The following ZNF445 variants were observed in gnomAD, a reference collection of about 807,000 sequenced individuals.
The protein encoded by ZNF445 is zinc finger protein 168.
Under a neutral mutation model 93.9 loss-of-function variants are expected in ZNF445, and 19 were observed. The observed-to-expected ratio is 0.20, with a 90% CI of 0.14 to 0.30. The LOEUF (loss-of-function observed/expected upper bound fraction) is 0.30, where lower values mean the gene tolerates loss of function less well. Ranked by LOEUF, ZNF445 falls within the 10% of genes least tolerant of loss-of-function variation. ZNF445 has a pLI of 1.00. For synonymous variants in ZNF445, 449 were observed against 446.3 expected, an observed-to-expected ratio of 1.01 and a Z score of -0.08; for missense variants, 1,058 against 1,259.4, an observed-to-expected ratio of 0.84 and a Z score of 2.42.
intron 3 of ZNF445, among the ~76,000 whole-genome samples, chr3:44,451,934 A>C (rs986747561): frequency 6.6e-6 from 1 of 152,220 alleles, no homozygotes; most frequent in Non-Finnish European, 1.5e-5. Flanking sequence ...TGCTCTAGGC[A>C]CTGATGTACA....
At position 44,446,374 on chromosome 3, in the gene ZNF445, T is replaced by C. The variant is rs1232259002; in HGVS notation, c.*201A>G. The C allele has an allele frequency of 4.3e-6, 3 of 698,272 alleles. No homozygotes were observed. Among genetic ancestry groups the C allele is most frequent in the East Asian group, 5.7e-5 (2 of 35,130 alleles). 43.3% of individuals were successfully genotyped at this position (698,272 alleles called of 1,614,324 possible). A position where few individuals can be genotyped will look rare whatever the true frequency, so the allele number is the denominator to read the frequency against. On this transcript the variant is annotated 3_prime_UTR_variant, in exon 8 of 8. Coordinates refer to ENST00000396077, the MANE Select transcript of ZNF445 (RefSeq NM_181489.6). This position sits in a 1 kb window ranked among gnomAD's most constrained non-coding sequence, Gnocchi z 4.2. ...GTCTCCAGAAGGGCTCCAAAGGACATGGTGCTGCACTTCCCCAGCGTCACA... is the reference window on the plus strand; with the variant it reads ...GTCTCCAGAAGGGCTCCAAAGGACACGGTGCTGCACTTCCCCAGCGTCACA...
intron 4 of ZNF445, 142 bp downstream of exon 4, chr3:44,451,172 A>G (rs1697951758): frequency 8.5e-7 from 1 of 1,172,514 alleles, no homozygotes; most frequent in African/African-American, 1.5e-5. Context: ...CATATAGGTT[A>G]TAGAATGGAT....
At chr3:44,467,606 G>A (rs777623570) in intron 1 of ZNF445, among the ~76,000 whole-genome samples, 1 of 152,144 alleles carries the variant, frequency 6.6e-6, no homozygotes, top group South Asian at 2.1e-4. Flanking sequence ...CCACAGCTGG[G>A]CTCAGCTTTT....
Position 44,433,681 on chromosome 3 carries a change from T to G in ZNF445, c.*12894A>C, listed in dbSNP as rs1225633663. On this transcript the variant is annotated 3_prime_UTR_variant, in exon 8 of 8. Coordinates refer to ENST00000396077, the MANE Select transcript of ZNF445 (RefSeq NM_181489.6). ...GACCTGCAGAGAGAGAGTGGGAAAGTGGAGAACCATCAGCTCACTTTCCCT... is the reference window on the plus strand; with the variant it reads ...GACCTGCAGAGAGAGAGTGGGAAAGGGGAGAACCATCAGCTCACTTTCCCT... The G allele has an allele frequency of 6.6e-6, 1 of 152,154 alleles. No homozygotes were observed. Among genetic ancestry groups the G allele is most frequent in the African/African-American group, 2.4e-5 (1 of 41,416 alleles). The allele number at this position is 152,154 out of a possible 1,614,324, so 9.4% of individuals were successfully genotyped here.
intron 4 of ZNF445, 152 bp from the exon 5 acceptor site, chr3:44,451,114 A>G: frequency 9.9e-7 from 1 of 1,005,176 alleles, no homozygotes; most frequent in Non-Finnish European, 1.5e-6. Context: ...TACTGGGGCC[A>G]GGAAAGGGGT....
Position 44,447,600 on chromosome 3 carries a change from TAA to T in ZNF445, c.2069_2070del (p.Phe690TyrfsTer2). The T allele has an allele frequency of 6.2e-7, 1 of 1,614,186 alleles. No individual in the cohort carries two copies. Among genetic ancestry groups the T allele is most frequent in the Non-Finnish European group, 8.5e-7 (1 of 1,180,030 alleles). ...TFLCQQCGKTFTRKKTLVDHQ... is the reference protein window; with the variant it reads ...TFLCQQCGKTXTRKKTLVDHQ... ...TGGTCAACGAGAGTTTTCTTTCTAGTAAAAGTTTTCCCACACTGCTGACACAG... is the reference window on the plus strand; with the variant it reads ...TGGTCAACGAGAGTTTTCTTTCTAGTAAGTTTTCCCACACTGCTGACACAG... On this transcript the variant is annotated frameshift_variant, in exon 8 of 8. Transcript: ENST00000396077. LOFTEE classifies it high-confidence loss of function. This position sits in a 1 kb window ranked among gnomAD's most constrained non-coding sequence, Gnocchi z 4.7.
At position 44,444,086 on chromosome 3, in the gene ZNF445, A is replaced by G. The variant is rs1018841087; in HGVS notation, c.*2489T>C. The G allele has an allele frequency of 2.6e-5, 4 of 152,240 alleles. No individual in the cohort carries two copies. The highest frequency in any genetic ancestry group is 9.6e-5 in the African/African-American group (4 of 41,452). The allele number at this position is 152,240 out of a possible 1,614,324, so 9.4% of individuals were successfully genotyped here. A position where few individuals can be genotyped will look rare whatever the true frequency, so the allele number is the denominator to read the frequency against. On this transcript the variant is annotated 3_prime_UTR_variant, in exon 8 of 8. Transcript: ENST00000396077. ...CCTGAGCCTGGGAGGTCAAGGCTGC[A>G]GTAAGCTGTGATCCTGCCACTGCAC... is the stretch of plus-strand genomic sequence containing the variant.
rs1302620560 is a variant in ZNF445 at position 44,435,309 on chromosome 3, C to G, written c.*11266G>C. 1 of 152,146 alleles carries G rather than the reference C, an allele frequency of 6.6e-6. No individual in the cohort carries two copies. The highest frequency in any genetic ancestry group is 1.5e-5 in the Non-Finnish European group (1 of 68,024). 9.4% of individuals were successfully genotyped at this position (152,146 alleles called of 1,614,324 possible). ...ATAATTCTTCTCTCTTTTGCAAAAC[C>G]CATGTCACAGTGATTGATTTACTGT... is the stretch of plus-strand genomic sequence containing the variant. On this transcript the variant is annotated 3_prime_UTR_variant, in exon 8 of 8. Coordinates refer to ENST00000396077, the MANE Select transcript of ZNF445 (RefSeq NM_181489.6).
chr3:44,468,646 C>G (rs940813900), intron 1 of ZNF445, among the ~76,000 whole-genome samples: 4 of 151,800 alleles, frequency 2.6e-5, no homozygotes, highest in Admixed American at 6.6e-5. Flanking sequence ...ACTGGCTCAT[C>G]TGATCTTGTG....
At position 44,432,376 on chromosome 3, in the gene ZNF445, C is replaced by T. The variant is rs1340179707; in HGVS notation, c.*14199G>A. On this transcript the variant is annotated 3_prime_UTR_variant, in exon 8 of 8. Coordinates refer to ENST00000396077, the MANE Select transcript of ZNF445 (RefSeq NM_181489.6). ...GAATTGGCTTATAGAATTAAGGAGG[C>T]TGGCAAGTCCCAAATCTTCAGGGTG... The T allele has an allele frequency of 6.6e-6, 1 of 151,790 alleles. No homozygotes were observed. Among genetic ancestry groups the T allele is most frequent in the African/African-American group, 2.4e-5 (1 of 41,208 alleles). The allele number at this position is 151,790 out of a possible 1,614,324, so 9.4% of individuals were successfully genotyped here.
Position 44,436,058 on chromosome 3 carries a change from C to G in ZNF445, c.*10517G>C, listed in dbSNP as rs984457472. 3 of 152,170 alleles carry G rather than the reference C, an allele frequency of 2.0e-5. No individual in the cohort carries two copies. The highest frequency in any genetic ancestry group is 7.2e-5 in the African/African-American group (3 of 41,438). The allele number at this position is 152,170 out of a possible 1,614,324, so 9.4% of individuals were successfully genotyped here. A position where few individuals can be genotyped will look rare whatever the true frequency, so the allele number is the denominator to read the frequency against. On this transcript the variant is annotated 3_prime_UTR_variant, in exon 8 of 8. Transcript: ENST00000396077. ...CAGCAGGGTCCTACTTCAAAGGGACCTGGCCTATCCTTTATTCAAGAAGCT... is the reference window on the plus strand; with the variant it reads ...CAGCAGGGTCCTACTTCAAAGGGACGTGGCCTATCCTTTATTCAAGAAGCT...
intron 1 of ZNF445, among the ~76,000 whole-genome samples, chr3:44,473,484 C>CCAA (rs1559400775): frequency 9.5e-6 from 1 of 104,728 alleles, no homozygotes; most frequent in African/African-American, 3.7e-5. Context: ...CACACACACA[C>CCAA]ACACACAAAA....
In ZNF445 at chr3:44,432,312, T is replaced by C. The variant is rs1575298014; in HGVS notation, c.*14263A>G. 1 of 146,640 alleles carries C rather than the reference T, an allele frequency of 6.8e-6. No homozygotes were observed. The highest frequency in any genetic ancestry group is 1.5e-5 in the Non-Finnish European group (1 of 66,638). 9.1% of individuals were successfully genotyped at this position (146,640 alleles called of 1,614,324 possible). On this transcript the variant is annotated 3_prime_UTR_variant, in exon 8 of 8. Coordinates refer to ENST00000396077, the MANE Select transcript of ZNF445 (RefSeq NM_181489.6). Reference sequence around the variant, plus strand: ...GTGTGTGTGTGTGTGTGTGTGTGGATGGAGATAGAGAGAGAGGGATTTATG... The same window carrying C: ...GTGTGTGTGTGTGTGTGTGTGTGGACGGAGATAGAGAGAGAGGGATTTATG...
intron 1 of ZNF445, among the ~76,000 whole-genome samples, chr3:44,474,476 T>C (rs1489069979): frequency 6.6e-6 from 1 of 152,056 alleles, no homozygotes; most frequent in Non-Finnish European, 1.5e-5. Context: ...ATCACGCCAT[T>C]GCACTCCAGC....
chr3:44,451,080 T>TTA, intron 4 of ZNF445, 118 bp from the exon 5 acceptor site: 1 of 1,020,620 alleles, frequency 9.8e-7, no homozygotes, highest in Non-Finnish European at 1.4e-6. Context: ...TGTTGTTAAA[T>TTA]ACCCATCTCA....
chr3:44,467,240 T>C (rs1221978188), intron 1 of ZNF445, among the ~76,000 whole-genome samples: 2 of 152,242 alleles, frequency 1.3e-5, no homozygotes, highest in Admixed American at 1.3e-4. Flanking sequence ...TTGGAGCATA[T>C]TTGTTCCTTT....
intron 1 of ZNF445, among the ~76,000 whole-genome samples, chr3:44,472,789 A>G (rs1698289998): frequency 6.6e-6 from 1 of 152,224 alleles, no homozygotes. Flanking sequence ...GCTTTTAAGC[A>G]TAGAAGAAAA....
Position 44,435,356 on chromosome 3 carries a change from G to C in ZNF445, c.*11219C>G, listed in dbSNP as rs1344317155. On this transcript the variant is annotated 3_prime_UTR_variant, in exon 8 of 8. Transcript: ENST00000396077. ...CTGTGTGAGAACAGAACAAACCTGG[G>C]CCTGGCTCAGTAACAACTGCAAACC... 6.6e-6 allele frequency: 1 copy of C among 152,178 alleles called. No homozygotes were observed. Among genetic ancestry groups the C allele is most frequent in the African/African-American group, 2.4e-5 (1 of 41,430 alleles). The allele number at this position is 152,178 out of a possible 1,614,324, so 9.4% of individuals were successfully genotyped here.
Position 44,435,366 on chromosome 3 carries a change from G to GT in ZNF445, c.*11208dup, listed in dbSNP as rs1697656257. 6.6e-6 allele frequency: 1 copy of GT among 152,202 alleles called. No individual in the cohort carries two copies. Among genetic ancestry groups the GT allele is most frequent in the Non-Finnish European group, 1.5e-5 (1 of 68,032 alleles). 9.4% of individuals were successfully genotyped at this position (152,202 alleles called of 1,614,324 possible). ...ACAGAACAAACCTGGGCCTGGCTCA[G>GT]TAACAACTGCAAACCAGTTGTCAGA... On this transcript the variant is annotated 3_prime_UTR_variant, in exon 8 of 8. Transcript: ENST00000396077.
Sources: gnomAD v4.1 joint callset for allele counts (sites outside exome capture counted in the v4.1 genomes callset) on GRCh38, gnomAD v4.1.1 for gene constraint, Gnocchi (gnomAD v3.1) non-coding constraint, MANE v1.5 for transcripts, NCBI Gene and HGNC (gene_info 2026-07-23, HGNC 2026-07-21) for gene names.